Variants in MRAP2 observed in about 807,000 individuals in gnomAD.
MRAP2 encodes melanocortin 2 receptor accessory protein 2, also known as melanocortin-2 receptor accessory protein 2.
MRAP2 carries 20 observed loss-of-function variants against 17.4 expected under a neutral mutation model. The ratio of observed to expected loss-of-function variants is 1.15; its 90% CI spans 0.81 to 1.67. The LOEUF (loss-of-function observed/expected upper bound fraction) is 1.67, where lower values mean the gene tolerates loss of function less well. Among genes scored for constraint, MRAP2 ranks in the 40% most tolerant of loss-of-function variants. MRAP2 has a pLI of 0.00. For synonymous variants in MRAP2, 96 were observed against 88.4 expected, an observed-to-expected ratio of 1.09 and a Z score of -0.48; for missense variants, 238 against 240.0, an observed-to-expected ratio of 0.99 and a Z score of 0.05.
At chr6:84,075,456 G>A (rs1201338781) in intron 3 of MRAP2, among the ~76,000 whole-genome samples, 1 of 152,116 alleles carries the variant, frequency 6.6e-6, no homozygotes, top group African/African-American at 2.4e-5. Flanking sequence ...TTGTATGGTG[G>A]GGCAGGCAGG....
In MRAP2 at chr6:84,033,882, C is replaced by G. The variant is rs2099485225; in HGVS notation, c.-9C>G. ...AGCCCGCGGGCCGGGGCTAGCCAGC[C>G]GGTAACCACGGGCGGGACAGGGCGC... On this transcript the variant is annotated splice_region_variant and 5_prime_UTR_variant, in exon 1 of 4. Transcript: ENST00000257776. The G allele has an allele frequency of 9.2e-6, 9 of 979,258 alleles. No individual in the cohort carries two copies. The highest frequency in any genetic ancestry group is 1.1e-5 in the Non-Finnish European group (9 of 829,938). The allele number at this position is 979,258 out of a possible 1,614,324, so 60.7% of individuals were successfully genotyped here. A position where few individuals can be genotyped will look rare whatever the true frequency, so the allele number is the denominator to read the frequency against.
the MRAP2 span, chr6:84,124,893 C>A: frequency 1.6e-6 from 1 of 619,212 alleles, no homozygotes; most frequent in Non-Finnish European, 2.8e-6. Flanking sequence ...GTAAAATACA[C>A]CATTATATGT....
At chr6:84,091,428 C>T (rs550336870), downstream of MRAP2, among the ~76,000 whole-genome samples, 1 of 151,942 alleles carries the variant, frequency 6.6e-6, no homozygotes, top group East Asian at 1.9e-4. Flanking sequence ...CGAGATTTCA[C>T]TATATGTTGG....
chr6:84,144,043 T>G, the MRAP2 span, among the ~76,000 whole-genome samples: 43 of 152,114 alleles, frequency 2.8e-4, no homozygotes, highest in African/African-American at 1.0e-3. Context: ...TCCTATTTAA[T>G]CAAATGTTTT....
At chr6:84,061,394 G>T (rs956080399) in intron 2 of MRAP2, among the ~76,000 whole-genome samples, 1 of 152,158 alleles carries the variant, frequency 6.6e-6, no homozygotes, top group African/African-American at 2.4e-5. Context: ...AGGCCTTATT[G>T]TGCAAGTACC....
chr6:84,128,345 A>G, the MRAP2 span, among the ~76,000 whole-genome samples: 8 of 151,874 alleles, frequency 5.3e-5, no homozygotes, highest in East Asian at 1.3e-3. Flanking sequence ...TCCTCTAGAG[A>G]TAACTGAATA....
the MRAP2 span, among the ~76,000 whole-genome samples, chr6:84,112,996 A>AGGAGT: frequency 6.6e-6 from 1 of 152,162 alleles, no homozygotes; most frequent in African/African-American, 2.4e-5. Flanking sequence ...GCATTTGCTG[A>AGGAGT]GGAGTGTTTT....
chr6:84,138,816 T>C, the MRAP2 span, among the ~76,000 whole-genome samples: 1 of 152,174 alleles, frequency 6.6e-6, no homozygotes, highest in African/African-American at 2.4e-5. Context: ...AGTTCTGAGG[T>C]TCTGTAAACT....
chr6:84,096,108 C>T, the MRAP2 span, among the ~76,000 whole-genome samples: 4 of 152,110 alleles, frequency 2.6e-5, no homozygotes, highest in African/African-American at 9.7e-5. Flanking sequence ...GTTTTTTCTT[C>T]CTCATGTTTT....
chr6:84,040,602 C>T (rs2099487290), intron 1 of MRAP2, among the ~76,000 whole-genome samples: 1 of 152,118 alleles, frequency 6.6e-6, no homozygotes, highest in Admixed American at 6.6e-5. Flanking sequence ...ATGGCTTTGA[C>T]CAAATACTGA....
At chr6:84,105,575 G>A in the MRAP2 span, among the ~76,000 whole-genome samples, 4 of 152,166 alleles carry the variant, frequency 2.6e-5, no homozygotes, top group African/African-American at 9.7e-5. Context: ...GATGAGGTTT[G>A]GGTGGGGTCA....
Position 84,055,349 on chromosome 6 carries a change from A to G in MRAP2, c.31A>G (p.Thr11Ala), listed in dbSNP as rs1228365544. Residue 11 changes from threonine to alanine, a missense_variant, in exon 2 of 4, where the codon ACC (threonine) becomes GCC (alanine). Thr to Ala is a moderately conservative substitution (Grantham distance 58). Transcript: ENST00000257776. ...CGCCCAGAGGTTAATTTCTAACAGAACCTCCCAGCAATCGGCATCTAATTC... is the reference window on the plus strand; with the variant it reads ...CGCCCAGAGGTTAATTTCTAACAGAGCCTCCCAGCAATCGGCATCTAATTC... The part of the protein sequence containing the change: MSAQRLISNR[T>A]SQQSASNSDY... 1.2e-6 allele frequency: 2 copies of G among 1,613,474 alleles called. No individual in the cohort carries two copies. The highest frequency in any genetic ancestry group is 1.7e-6 in the Non-Finnish European group (2 of 1,179,908).
the MRAP2 span, among the ~76,000 whole-genome samples, chr6:84,134,135 C>T: frequency 6.6e-6 from 1 of 152,318 alleles, no homozygotes; most frequent in East Asian, 1.9e-4. Flanking sequence ...GTTCGAACTT[C>T]CTGTAGGCTT....
intron 3 of MRAP2, among the ~76,000 whole-genome samples, chr6:84,075,607 G>C (rs1392757080): frequency 6.6e-6 from 1 of 152,128 alleles, no homozygotes; most frequent in Non-Finnish European, 1.5e-5. Flanking sequence ...GCCAGATAGA[G>C]AGTAATGGGA....
intron 1 of MRAP2, among the ~76,000 whole-genome samples, chr6:84,053,176 A>T (rs2099490877): frequency 6.6e-6 from 1 of 151,506 alleles, no homozygotes; most frequent in South Asian, 2.1e-4. Flanking sequence ...AATAGACGAC[A>T]CCCTCCATCT....
intron 1 of MRAP2, among the ~76,000 whole-genome samples, chr6:84,037,180 G>T (rs542528266): frequency 6.7e-6 from 1 of 148,520 alleles, no homozygotes; most frequent in Non-Finnish European, 1.5e-5. Context: ...GTGTTGATTG[G>T]TGTGATTACA....
chr6:84,120,095 C>T, the MRAP2 span, among the ~76,000 whole-genome samples: 1 of 152,160 alleles, frequency 6.6e-6, no homozygotes, highest in African/African-American at 2.4e-5. Flanking sequence ...GGGGGACACT[C>T]GTTTAAGTCC....
chr6:84,053,236 T>G (rs112657582), intron 1 of MRAP2, among the ~76,000 whole-genome samples: 1 of 152,204 alleles, frequency 6.6e-6, no homozygotes, highest in Non-Finnish European at 1.5e-5. Context: ...CTATTCCAGA[T>G]GAAGTTTAGT....
intron 1 of MRAP2, among the ~76,000 whole-genome samples, chr6:84,047,259 C>T (rs1330399423): frequency 1.3e-5 from 2 of 151,960 alleles, no homozygotes; most frequent in African/African-American, 2.4e-5. Context: ...GGCATGATCT[C>T]AGCTCACTGC....
Sources: allele counts gnomAD v4.1 joint callset (sites outside exome capture counted in the v4.1 genomes callset), GRCh38; gene constraint gnomAD v4.1.1; transcripts MANE v1.5; gene names NCBI Gene and HGNC (gene_info 2026-07-23, HGNC 2026-07-21).